The following FAM167A variants were observed in gnomAD, a reference collection of about 807,000 sequenced individuals.
FAM167A encodes protein FAM167A.
FAM167A carries 23 observed loss-of-function variants against 14.9 expected under a neutral mutation model. The observed-to-expected ratio is 1.55, with a 90% CI of 1.11 to 2.19. The LOEUF is 2.19. Among genes scored for constraint, FAM167A ranks in the 30% most tolerant of loss-of-function variants. The pLI, the probability that FAM167A is intolerant of heterozygous loss-of-function variation, is 0.00. For synonymous variants in FAM167A, 174 were observed against 117.7 expected (o/e 1.48, Z -3.10); for missense variants, 401 against 281.5 (o/e 1.42, Z -3.04).
Position 11,444,749 on chromosome 8 carries a change from G to T in FAM167A, c.-338C>A, listed in dbSNP as rs1806680052. 9.5e-7 allele frequency: 1 copy of T among 1,047,370 alleles called. No individual in the cohort carries two copies. Among genetic ancestry groups the T allele is most frequent in the Non-Finnish European group, 1.1e-6 (1 of 870,330 alleles). 64.9% of individuals were successfully genotyped at this position (1,047,370 alleles called of 1,614,324 possible). ...CTGTCCTGAACGCACTCGAAGACCA[G>T]ACTGGCAGGAAGAAGGCCCAGAGCT... On this transcript the variant is annotated 5_prime_UTR_variant, in exon 2 of 3. It adds an upstream start codon to the 5' untranslated region. Coordinates refer to ENST00000284486, the MANE Select transcript of FAM167A (RefSeq NM_053279.3).
At chr8:11,447,189 C>CT (rs777048119) in intron 1 of FAM167A, among the ~76,000 whole-genome samples, 1,840 of 147,936 alleles carry the variant, frequency 0.012, 61 homozygotes, top group African/African-American at 0.044. Flanking sequence ...TTTTCTTTTT[C>CT]TTTTTTTTGA....
intron 1 of FAM167A, among the ~76,000 whole-genome samples, chr8:11,472,926 T>A (rs1384367871): frequency 2.4e-4 from 36 of 152,358 alleles, no homozygotes; most frequent in Admixed American, 2.4e-3. Context: ...TAGTGGTGTC[T>A]GGCAGTTACT....
chr8:11,456,222 A>AGT (rs769051597), intron 1 of FAM167A, among the ~76,000 whole-genome samples: 1 of 1,986 alleles, frequency 5.0e-4, no homozygotes, highest in Non-Finnish European at 7.8e-4. Flanking sequence ...TGTGAGTGTG[A>AGT]GTGAGTGTGG....
chr8:11,464,376 T>C (rs914418503), intron 1 of FAM167A, among the ~76,000 whole-genome samples: 1 of 152,130 alleles, frequency 6.6e-6, no homozygotes, highest in African/African-American at 2.4e-5. Flanking sequence ...CTACAGGTGA[T>C]TGCAGAGCCA....
chr8:11,430,244 G>T (rs1418189548), intron 2 of FAM167A, among the ~76,000 whole-genome samples: 1 of 152,352 alleles, frequency 6.6e-6, no homozygotes, highest in East Asian at 1.9e-4. Context: ...CACAGAACTT[G>T]TTGAAAGGGA....
chr8:11,427,039 C>A (rs984126541), intron 2 of FAM167A, among the ~76,000 whole-genome samples: 4 of 152,164 alleles, frequency 2.6e-5, no homozygotes, highest in Non-Finnish European at 5.9e-5. Flanking sequence ...CACGGAAGTT[C>A]TTTGTGGGCC....
intron 2 of FAM167A, among the ~76,000 whole-genome samples, chr8:11,440,608 G>C (rs996872144): frequency 2.9e-4 from 44 of 152,338 alleles, no homozygotes; most frequent in African/African-American, 1.0e-3. Flanking sequence ...GCTGCTAGGT[G>C]GTCAGAGGAC....
chr8:11,473,164 C>A (rs1394579464), intron 1 of FAM167A, among the ~76,000 whole-genome samples: 1 of 152,220 alleles, frequency 6.6e-6, no homozygotes, highest in Admixed American at 6.5e-5. Flanking sequence ...AACTCAATAG[C>A]CCACGGCAAC....
chr8:11,429,750 C>T (rs532166209), intron 2 of FAM167A, among the ~76,000 whole-genome samples: 115 of 152,246 alleles, frequency 7.6e-4, no homozygotes, highest in African/African-American at 2.6e-3. Flanking sequence ...AATCCACAGC[C>T]CTGGGTTAGA....
chr8:11,461,482 G>C (rs1585280297), intron 1 of FAM167A, among the ~76,000 whole-genome samples: 1 of 152,384 alleles, frequency 6.6e-6, no homozygotes, highest in East Asian at 1.9e-4. Context: ...AGTAGACACA[G>C]AGTGGCCTTT....
upstream of FAM167A, among the ~76,000 whole-genome samples, chr8:11,471,604 T>C (rs569266490): frequency 2.0e-5 from 3 of 152,282 alleles, no homozygotes; most frequent in Admixed American, 2.0e-4. Context: ...TACAGTTACA[T>C]CATCAATAAG....
chr8:11,425,263 C>T (rs1161502199), intron 2 of FAM167A, among the ~76,000 whole-genome samples: 2 of 152,152 alleles, frequency 1.3e-5, no homozygotes, highest in African/African-American at 4.8e-5. Flanking sequence ...GTCACTACAA[C>T]CTGTGAAGTG....
chr8:11,464,971 T>C (rs1195126315), intron 1 of FAM167A, among the ~76,000 whole-genome samples: 1 of 152,134 alleles, frequency 6.6e-6, no homozygotes, highest in Non-Finnish European at 1.5e-5. Flanking sequence ...TAGAAATCCA[T>C]GCATGTAATT....
intron 2 of FAM167A, among the ~76,000 whole-genome samples, chr8:11,437,269 G>C (rs1806085906): frequency 6.6e-6 from 1 of 152,082 alleles, no homozygotes; most frequent in South Asian, 2.1e-4. Flanking sequence ...CTGTGAAATG[G>C]GGATAGTAAT....
intron 2 of FAM167A, among the ~76,000 whole-genome samples, chr8:11,432,602 T>C (rs1031315788): frequency 6.6e-6 from 1 of 152,228 alleles, no homozygotes; most frequent in Admixed American, 6.5e-5. Context: ...ATAGGAATGC[T>C]TTTACACTGT....
intron 2 of FAM167A, among the ~76,000 whole-genome samples, chr8:11,442,748 C>A (rs367891555): frequency 2.0e-5 from 3 of 151,970 alleles, no homozygotes; most frequent in Non-Finnish European, 4.4e-5. Context: ...TGGCTCAAAC[C>A]CGCAGGTGCC....
intron 1 of FAM167A, among the ~76,000 whole-genome samples, chr8:11,454,947 G>A (rs542865152): frequency 2.6e-5 from 4 of 152,222 alleles, no homozygotes; most frequent in African/African-American, 9.6e-5. Context: ...GGTTGCCATG[G>A]CAACTGAGCA....
At chr8:11,438,989 C>T (rs751205804) in intron 2 of FAM167A, among the ~76,000 whole-genome samples, 5 of 152,202 alleles carry the variant, frequency 3.3e-5, no homozygotes, top group Non-Finnish European at 7.3e-5. Flanking sequence ...TTACAAGTAC[C>T]CTGTTCTGAA....
chr8:11,454,052 C>T (rs1416245314), intron 1 of FAM167A, among the ~76,000 whole-genome samples: 2 of 152,172 alleles, frequency 1.3e-5, no homozygotes, highest in Non-Finnish European at 2.9e-5. Context: ...TGGGTTCTCC[C>T]AGAAATTTCT....
Sources: gnomAD v4.1 joint callset for allele counts (sites outside exome capture counted in the v4.1 genomes callset) on GRCh38, gnomAD v4.1.1 for gene constraint, MANE v1.5 for transcripts, NCBI Gene and HGNC (gene_info 2026-07-23, HGNC 2026-07-21) for gene names.